The following RBCK1 variants were observed in gnomAD, a reference collection of about 807,000 sequenced individuals.
The protein encoded by RBCK1 is RANBP2-type and C3HC4-type zinc finger containing 1, also known as ranBP-type and C3HC4-type zinc finger-containing protein 1.
RBCK1 carries 44 observed loss-of-function variants against 71.1 expected under a neutral mutation model. The observed-to-expected ratio is 0.62, with a 90% CI of 0.49 to 0.80. The LOEUF (loss-of-function observed/expected upper bound fraction) is 0.80, where lower values mean the gene tolerates loss of function less well. Among genes scored for constraint, RBCK1 ranks in the 30% least tolerant of loss-of-function variants. The pLI is 0.00. For synonymous variants in RBCK1, 306 were observed against 279.7 expected (o/e 1.09, Z -0.94); for missense variants, 569 against 685.0 (o/e 0.83, Z 1.89).
rs764237313 is a variant in RBCK1, at chr20:419,485, C to T, written c.582+17C>T. On this transcript the variant is annotated intron_variant, in intron 5 of 11. Transcript: ENST00000356286. ...CCCCCACCGGTAAGCTGTCCTTGGCCTCAGTATCCTCTTCTGTGCCCCTCC... is the reference window on the plus strand; with the variant it reads ...CCCCCACCGGTAAGCTGTCCTTGGCTTCAGTATCCTCTTCTGTGCCCCTCC... 3.1e-6 allele frequency: 5 copies of T among 1,604,192 alleles called. No individual in the cohort carries two copies. The highest frequency in any genetic ancestry group is 2.2e-5 in the East Asian group (1 of 44,834).
intron 1 of RBCK1, 48 bp downstream of exon 1, chr20:408,827 C>T (rs1325121679): frequency 3.1e-6 from 5 of 1,588,468 alleles, no homozygotes; most frequent in South Asian, 2.3e-5. Flanking sequence ...GGGAAGTGGG[C>T]CCCGCAGGAC....
chr20:411,852 A>G (rs187631651), intron 2 of RBCK1, among the ~76,000 whole-genome samples: 6 of 152,336 alleles, frequency 3.9e-5, no homozygotes, highest in Non-Finnish European at 7.4e-5. Flanking sequence ...AATCTATTGT[A>G]TAGACATATC....
chr20:415,913 A>G (rs1449639217), intron 2 of RBCK1, among the ~76,000 whole-genome samples: 1 of 152,184 alleles, frequency 6.6e-6, no homozygotes, highest in Non-Finnish European at 1.5e-5. Flanking sequence ...TACAACAGCC[A>G]GATCTCACGA....
chr20:421,153 G>C, intron 7 of RBCK1, 122 bp downstream of exon 7: 1 of 1,236,192 alleles, frequency 8.1e-7, no homozygotes, highest in South Asian at 1.6e-5. Context: ...AAACCTACGA[G>C]GTAGGCTCCG....
chr20:426,047 T>C (rs2016696512), intron 8 of RBCK1, among the ~76,000 whole-genome samples: 2 of 152,244 alleles, frequency 1.3e-5, no homozygotes, highest in South Asian at 2.1e-4. Flanking sequence ...TGCTACGTAC[T>C]AGCTTACTAG....
At position 417,169 on chromosome 20, in the gene RBCK1, T is replaced by C; in HGVS notation, c.168-357T>C. ...AATGAGTTAATACACATGAAGTGCA[T>C]TAAATAGTCTTAGCACGTAGTTAAC... On this transcript the variant is annotated intron_variant, in intron 2 of 11. Coordinates refer to ENST00000356286, the MANE Select transcript of RBCK1 (RefSeq NM_031229.4). This position sits in a 1 kb window ranked among gnomAD's most constrained non-coding sequence, Gnocchi z 4.7. 2.0e-6 allele frequency: 1 copy of C among 497,110 alleles called. No individual in the cohort carries two copies. Among genetic ancestry groups the C allele is most frequent in the Middle Eastern group, 3.2e-4 (1 of 3,160 alleles). 30.8% of individuals were successfully genotyped at this position (497,110 alleles called of 1,614,324 possible).
chr20:410,449 C>T (rs753060133), intron 2 of RBCK1: 1 of 779,716 alleles, frequency 1.3e-6, no homozygotes, highest in Non-Finnish European at 2.4e-6. Context: ...CAGCTCCATC[C>T]AGCCATCACA....
At chr20:409,848 G>A (rs929215521) in intron 1 of RBCK1, 33 bp from the exon 2 acceptor site, 2 of 1,604,512 alleles carry the variant, frequency 1.2e-6, no homozygotes, top group Middle Eastern at 1.7e-4. Context: ...AATAAACCCT[G>A]TGCTAACTGG....
At chr20:427,132 C>T (rs1391266460) in intron 8 of RBCK1, among the ~76,000 whole-genome samples, 181 bp from the exon 9 acceptor site, 2 of 152,106 alleles carry the variant, frequency 1.3e-5, no homozygotes, top group African/African-American at 4.8e-5. Context: ...AGCCACCACA[C>T]CTGGCCTAAA....
At chr20:412,856 G>A (rs1032834616) in intron 2 of RBCK1, among the ~76,000 whole-genome samples, 7 of 152,066 alleles carry the variant, frequency 4.6e-5, no homozygotes, top group African/African-American at 1.2e-4. Flanking sequence ...CTAAGAAATC[G>A]TTGCCTCATC....
At chr20:421,421 G>C (rs1329959403) in intron 7 of RBCK1, among the ~76,000 whole-genome samples, 1 of 152,188 alleles carries the variant, frequency 6.6e-6, no homozygotes, top group Admixed American at 6.5e-5. Flanking sequence ...TCACCACAGC[G>C]GACCCTTGTG....
intron 2 of RBCK1, 125 bp downstream of exon 2, chr20:410,150 C>A: frequency 9.4e-7 from 1 of 1,067,064 alleles, no homozygotes; most frequent in Non-Finnish European, 1.3e-6. Context: ...CTAGTTATGT[C>A]ATTAATCAAC....
rs1313990508 is a variant in RBCK1, at chr20:429,005, CAGA to C, written c.1369_1371del (p.Lys457del). ...CTGCCCCCAGTGCCAGATCGTGGTA[CAGA>C]AGAAGGACGGCTGCGACTGGATCCG... On this transcript the variant is annotated inframe_deletion, in exon 11 of 12. Coordinates refer to ENST00000356286, the MANE Select transcript of RBCK1 (RefSeq NM_031229.4). 8 of 1,612,278 alleles carry C rather than the reference CAGA, an allele frequency of 5.0e-6. No individual in the cohort carries two copies. Among genetic ancestry groups the C allele is most frequent in the East Asian group, 2.2e-5 (1 of 44,882 alleles).
chr20:417,711 C>T lies in RBCK1; in HGVS notation c.262-21C>T. ...TCCTCTGGCCCTCCCTTCCCACTCT[C>T]CCTCTCTTTGCCCCCACCAGGTTTT... On this transcript the variant is annotated intron_variant, in intron 3 of 11. Coordinates refer to ENST00000356286, the MANE Select transcript of RBCK1 (RefSeq NM_031229.4). This position sits in a 1 kb window ranked among gnomAD's most constrained non-coding sequence, Gnocchi z 4.7. 2.5e-6 allele frequency: 4 copies of T among 1,607,646 alleles called. No homozygotes were observed. The highest frequency in any genetic ancestry group is 3.4e-6 in the Non-Finnish European group (4 of 1,174,532).
intron 2 of RBCK1, among the ~76,000 whole-genome samples, chr20:412,733 G>A (rs1185649736): frequency 6.6e-6 from 1 of 152,158 alleles, no homozygotes; most frequent in Admixed American, 6.5e-5. Context: ...CTCATTCTGT[G>A]GATTGTCTTC....
Position 428,494 on chromosome 20 carries a change from A to G in RBCK1, c.1213A>G (p.Ile405Val). 6.2e-7 allele frequency: 1 copy of G among 1,604,502 alleles called. No homozygotes were observed. Among genetic ancestry groups the G allele is most frequent in the Non-Finnish European group, 8.5e-7 (1 of 1,175,940 alleles). ...FHVNCLLCKA[I>V]HEQMNCKEYQ... is the part of the protein sequence containing the mutation. ...TTGAGTCCCTCACCCGCTACAGGCC[A>G]TCCATGAGCAGATGAACTGCAAGGA... Residue 405 changes from isoleucine (I) to valine (V), a missense_variant, in exon 10 of 12, where the codon ATC (isoleucine) becomes GTC (valine). Ile to Val is a conservative substitution (Grantham distance 29). This residue lies in a region of RBCK1 where 211 missense variants were observed against 309.4 expected (regional missense o/e 0.68). Coordinates refer to ENST00000356286, the MANE Select transcript of RBCK1 (RefSeq NM_031229.4). This position sits in a 1 kb window ranked among gnomAD's most constrained non-coding sequence, Gnocchi z 5.7.
At chr20:409,798 G>A in intron 1 of RBCK1, 83 bp from the exon 2 acceptor site, 2 of 1,539,398 alleles carry the variant, frequency 1.3e-6, no homozygotes, top group East Asian at 2.3e-5. Context: ...ACACACAAAG[G>A]ATCGCCTCCT....
chr20:420,175 C>T (rs2016297412), intron 6 of RBCK1: 1 of 985,256 alleles, frequency 1.0e-6, no homozygotes, highest in South Asian at 4.7e-5. Context: ...CTACTCCTGA[C>T]CTCTTCCCTC....
At position 430,327 on chromosome 20, in the gene RBCK1, C is replaced by G; in HGVS notation, c.1453-23C>G. On this transcript the variant is annotated intron_variant, in intron 11 of 11. Coordinates refer to ENST00000356286, the MANE Select transcript of RBCK1 (RefSeq NM_031229.4). This position sits in a 1 kb window ranked among gnomAD's most constrained non-coding sequence, Gnocchi z 5.6. ...AGTCTCTGCACTGCGCTGACATTCT[C>G]TTCTCTTCCTCCCATCCTCTAGGGC... is the stretch of plus-strand genomic sequence containing the variant. 1 of 1,580,094 alleles carries G rather than the reference C, an allele frequency of 6.3e-7. No individual in the cohort carries two copies. Among genetic ancestry groups the G allele is most frequent in the Non-Finnish European group, 8.7e-7 (1 of 1,149,484 alleles).
Sources: allele counts gnomAD v4.1 joint callset (sites outside exome capture counted in the v4.1 genomes callset), GRCh38; gene constraint gnomAD v4.1.1; regional missense constraint gnomAD v4.1.1; non-coding constraint Gnocchi (gnomAD v3.1); transcripts MANE v1.5; gene names NCBI Gene and HGNC (gene_info 2026-07-23, HGNC 2026-07-21).